The following LRP1B variants were observed in gnomAD, a reference collection of about 807,000 sequenced individuals.
LRP1B encodes low-density lipoprotein receptor-related protein 1B.
LRP1B carries 217 observed loss-of-function variants against 556.6 expected under a neutral mutation model. The ratio of observed to expected loss-of-function variants is 0.39; its 90% CI spans 0.35 to 0.44. The LOEUF (loss-of-function observed/expected upper bound fraction) is 0.44. LRP1B is among the 20% of genes least tolerant of loss of function. The pLI, the probability that LRP1B is intolerant of heterozygous loss-of-function variation, is 1.00. For synonymous variants in LRP1B, 2,047 were observed against 1,865.8 expected, an observed-to-expected ratio of 1.10 and a Z score of -2.50; for missense variants, 5,053 against 5,620.8, an observed-to-expected ratio of 0.90 and a Z score of 3.23.
intron 20 of LRP1B, among the ~76,000 whole-genome samples, chr2:140,947,221 C>G (rs1559211045): frequency 6.6e-6 from 1 of 152,046 alleles, no homozygotes; most frequent in Non-Finnish European, 1.5e-5. Context: ...AGAGAGAATA[C>G]ATATTGAACT....
chr2:140,458,545 T>C (rs1185768502), intron 60 of LRP1B, among the ~76,000 whole-genome samples: 2 of 152,138 alleles, frequency 1.3e-5, no homozygotes, highest in Admixed American at 6.6e-5. Flanking sequence ...CCCTAACTTA[T>C]AAAAACGTAC....
At position 141,901,635 on chromosome 2, in the gene LRP1B, C is replaced by T. The variant is rs181230244; in HGVS notation, c.83-91234G>A. On this transcript the variant is annotated intron_variant, in intron 1 of 90. Coordinates refer to ENST00000389484, the MANE Select transcript of LRP1B (RefSeq NM_018557.3). ...CTGATCAGATGAAGTCTCAACACTTCAAGATTTTTGCCATTTTAATAAAAA... is the reference window on the plus strand; with the variant it reads ...CTGATCAGATGAAGTCTCAACACTTTAAGATTTTTGCCATTTTAATAAAAA... 5.1e-4 allele frequency among the ~76,000 whole-genome samples: 78 copies of T among 151,850 alleles called. 1 individual carries two copies. The highest frequency in any genetic ancestry group is 6.8e-3 in the Middle Eastern group (2 of 294).
intron 3 of LRP1B, among the ~76,000 whole-genome samples, chr2:141,414,634 C>A (rs1691017679): frequency 6.6e-6 from 1 of 152,206 alleles, no homozygotes; most frequent in Admixed American, 6.5e-5. Flanking sequence ...CTCTTTAATT[C>A]TTGATCAGTG....
At chr2:140,460,985 C>T (rs1445734608) in intron 60 of LRP1B, among the ~76,000 whole-genome samples, 1 of 151,382 alleles carries the variant, frequency 6.6e-6, no homozygotes, top group South Asian at 2.1e-4. Flanking sequence ...ATCGCTTGAA[C>T]CCGGGAGGTG....
chr2:140,444,160 A>G (rs572758169), intron 65 of LRP1B, among the ~76,000 whole-genome samples, 170 bp downstream of exon 65: 2 of 152,272 alleles, frequency 1.3e-5, no homozygotes, highest in South Asian at 4.1e-4. Context: ...CATTTTCTCT[A>G]TATTTTTATT....
At chr2:141,544,316 C>CTTCTTCTTCTTCTTCTTCTT (rs1553533103) in intron 2 of LRP1B, among the ~76,000 whole-genome samples, 937 of 34,326 alleles carry the variant, frequency 0.027, 51 homozygotes, top group Admixed American at 0.044. Flanking sequence ...TCTTCTTCTT[C>CTTCTTCTTCTTCTTCTTCTT]TTCTTCTTCT....
chr2:142,068,137 T>A (rs901119539), intron 1 of LRP1B, among the ~76,000 whole-genome samples: 1 of 151,480 alleles, frequency 6.6e-6, no homozygotes, highest in Non-Finnish European at 1.5e-5. Context: ...TCCCTAGAAT[T>A]AATAAAACAG....
intron 2 of LRP1B, among the ~76,000 whole-genome samples, chr2:141,786,141 T>C (rs1225126346): frequency 6.6e-6 from 1 of 151,898 alleles, no homozygotes; most frequent in Non-Finnish European, 1.5e-5. Flanking sequence ...GTATAATCAC[T>C]CAATTATATT....
intron 7 of LRP1B, among the ~76,000 whole-genome samples, chr2:141,123,739 G>GT (rs1442420726): frequency 1.3e-5 from 2 of 151,998 alleles, no homozygotes; most frequent in Middle Eastern, 3.2e-3. Context: ...AAATTCTCAC[G>GT]TTTTTGACAT....
chr2:142,027,442 G>C (rs1346818026), intron 1 of LRP1B, among the ~76,000 whole-genome samples: 1 of 151,464 alleles, frequency 6.6e-6, no homozygotes, highest in Non-Finnish European at 1.5e-5. Flanking sequence ...TAATTGGACA[G>C]TAAATAAAAT....
chr2:141,236,173 T>C (rs1310364245), intron 5 of LRP1B, among the ~76,000 whole-genome samples: 1 of 152,150 alleles, frequency 6.6e-6, no homozygotes, highest in East Asian at 1.9e-4. Context: ...ATTATTTATT[T>C]AAATTGACAT....
intron 4 of LRP1B, among the ~76,000 whole-genome samples, chr2:141,248,056 A>C (rs886164222): frequency 1.3e-5 from 2 of 152,014 alleles, no homozygotes; most frequent in African/African-American, 4.8e-5. Flanking sequence ...AAAAATGCAA[A>C]AATTAGCCAG....
At chr2:141,186,975 T>TG (rs1384133156) in intron 7 of LRP1B, among the ~76,000 whole-genome samples, 4 of 152,012 alleles carry the variant, frequency 2.6e-5, no homozygotes, top group African/African-American at 9.7e-5. Context: ...TGACAGACAC[T>TG]GCTGTCTAAA....
chr2:140,442,735 T>A, intron 65 of LRP1B, 112 bp from the exon 66 acceptor site: 1 of 1,008,632 alleles, frequency 9.9e-7, no homozygotes, highest in Non-Finnish European at 1.5e-6. Flanking sequence ...GTATTGTCTT[T>A]AAATTAATAG....
At chr2:141,483,119 C>T (rs1051125710) in intron 2 of LRP1B, among the ~76,000 whole-genome samples, 1 of 122,672 alleles carries the variant, frequency 8.2e-6, no homozygotes, top group African/African-American at 3.1e-5. Context: ...CCCCTCCCCC[C>T]ACCCCACAAC....
intron 7 of LRP1B, among the ~76,000 whole-genome samples, chr2:141,075,728 CTAAGG>C (rs1404927213): frequency 2.0e-4 from 30 of 152,126 alleles, no homozygotes; most frequent in Admixed American, 9.2e-4. Context: ...TCAAAAGTGA[CTAAGG>C]TAAGTATCCA....
At chr2:142,027,398 T>TATATATATATATATATATA in intron 1 of LRP1B, among the ~76,000 whole-genome samples, 1 of 151,502 alleles carries the variant, frequency 6.6e-6, no homozygotes, top group African/African-American at 2.4e-5. Flanking sequence ...CCACTATATA[T>TATATATATATATATATATA]TCAATAATAT....
At chr2:141,212,308 T>C in intron 6 of LRP1B, among the ~76,000 whole-genome samples, 2 of 119,356 alleles carry the variant, frequency 1.7e-5, no homozygotes, top group Non-Finnish European at 1.7e-5. Flanking sequence ...TGACTGAGCC[T>C]CACACTGTCG....
intron 2 of LRP1B, among the ~76,000 whole-genome samples, chr2:141,663,741 A>T (rs1293226745): frequency 6.6e-6 from 1 of 152,092 alleles, no homozygotes; most frequent in Non-Finnish European, 1.5e-5. Flanking sequence ...ACATTTTCAG[A>T]TGAATTCTAC....
Sources: gnomAD v4.1 joint callset for allele counts (sites outside exome capture counted in the v4.1 genomes callset) on GRCh38, gnomAD v4.1.1 for gene constraint, MANE v1.5 for transcripts, NCBI Gene and HGNC (gene_info 2026-07-23, HGNC 2026-07-21) for gene names.